The following SCRN3 variants were observed in gnomAD, a reference collection of about 807,000 sequenced individuals.
The protein encoded by SCRN3 is secernin-3.
Under a neutral mutation model 43.1 loss-of-function variants are expected in SCRN3, and 39 were observed. That is an observed-to-expected ratio of 0.91 (90% CI 0.70 to 1.18). The LOEUF is 1.18. SCRN3 is among the 50% of genes most tolerant of loss of function. The pLI is 0.00. For synonymous variants in SCRN3, 147 were observed against 163.1 expected (o/e 0.90, Z 0.75); for missense variants, 484 against 498.0 (o/e 0.97, Z 0.27).
At chr2:174,399,734 A>AT (rs569160007) in intron 2 of SCRN3, among the ~76,000 whole-genome samples, 188 bp from the exon 3 acceptor site, 30 of 152,304 alleles carry the variant, frequency 2.0e-4, no homozygotes, top group Middle Eastern at 3.4e-3. Flanking sequence ...ATGAATAAAT[A>AT]TTTTAGGGTT....
chr2:174,403,992 A>T, intron 4 of SCRN3, 111 bp from the exon 5 acceptor site: 2 of 754,368 alleles, frequency 2.7e-6, no homozygotes, highest in Non-Finnish European at 4.2e-6. Context: ...CACAAAATTT[A>T]GAAGTCTATA....
At chr2:174,395,882 G>C (rs1685286887) in intron 1 of SCRN3, 65 bp downstream of exon 1, 1 of 1,446,418 alleles carries the variant, frequency 6.9e-7, no homozygotes, top group Non-Finnish European at 9.1e-7. Flanking sequence ...ACCCAACTGT[G>C]GCGCGGCACT....
chr2:174,424,545 G>T lies in SCRN3; in HGVS notation c.988G>T (p.Glu330Ter). 1.2e-6 allele frequency: 2 copies of T among 1,613,116 alleles called. No homozygotes were observed. Among genetic ancestry groups the T allele is most frequent in the South Asian group, 2.2e-5 (2 of 90,994 alleles). The change falls in exon 7 of 8, where the codon GAA (glutamate) becomes TAA (stop). Residue 330 changes from glutamate (E) to a stop codon, truncating the protein, a stop_gained. Transcript: ENST00000272732. LOFTEE classifies it high-confidence loss of function. Reference sequence around the variant, plus strand: ...ATTGGATACCAGTTCACCAACATTTGAACTTGAAGATCTAGTTAAAAAGAA... The same window carrying T: ...ATTGGATACCAGTTCACCAACATTTTAACTTGAAGATCTAGTTAAAAAGAA... ...QLLDTSSPTF[E>*]LEDLVKKKSH...
chr2:174,421,782 T>A (rs1686301929), intron 5 of SCRN3, among the ~76,000 whole-genome samples: 1 of 152,208 alleles, frequency 6.6e-6, no homozygotes. Flanking sequence ...CATCTGCTTC[T>A]CAGAAGACCC....
chr2:174,398,203 T>C (rs1685387381), intron 1 of SCRN3, 72 bp from the exon 2 acceptor site: 18 of 885,176 alleles, frequency 2.0e-5, no homozygotes, highest in African/African-American at 5.3e-5. Context: ...CCTTTGGTCA[T>C]TGAGTAAAAC....
At chr2:174,411,608 A>T (rs1028782652) in intron 5 of SCRN3, among the ~76,000 whole-genome samples, 1 of 152,130 alleles carries the variant, frequency 6.6e-6, no homozygotes, top group Non-Finnish European at 1.5e-5. Flanking sequence ...ATCGTTAAGC[A>T]CGTTTAGCAT....
At chr2:174,414,713 A>G (rs941012996) in intron 5 of SCRN3, among the ~76,000 whole-genome samples, 1 of 151,208 alleles carries the variant, frequency 6.6e-6, no homozygotes, top group Admixed American at 6.6e-5. Flanking sequence ...ATTATATAAC[A>G]TGCTTATAGC....
chr2:174,404,608 C>G (rs113590569), intron 5 of SCRN3, among the ~76,000 whole-genome samples: 24 of 101,672 alleles, frequency 2.4e-4, no homozygotes, highest in Admixed American at 2.3e-3. Context: ...CCTCCCCCCT[C>G]CCCCCACCCC....
chr2:174,419,659 G>A (rs1686229830), intron 5 of SCRN3, among the ~76,000 whole-genome samples: 1 of 152,104 alleles, frequency 6.6e-6, no homozygotes, highest in African/African-American at 2.4e-5. Flanking sequence ...AAACTGGTGG[G>A]ATTACAGGCA....
intron 5 of SCRN3, among the ~76,000 whole-genome samples, chr2:174,414,077 G>C (rs1410991664): frequency 3.3e-5 from 5 of 152,134 alleles, no homozygotes; most frequent in Non-Finnish European, 7.3e-5. Context: ...CTTTCCTCCA[G>C]AATGTTACTT....
rs1025555873 is a variant in SCRN3 at position 174,429,510 on chromosome 2, A to C, written c.*1615A>C. On this transcript the variant is annotated 3_prime_UTR_variant, in exon 8 of 8. Transcript: ENST00000272732. ...TTAGGTTCACAGCAAAATTGAACAG[A>C]AAGTACAGAGTTCCAATACAGCCCC... 6.6e-6 allele frequency: 1 copy of C among 152,180 alleles called. No homozygotes were observed. Among genetic ancestry groups the C allele is most frequent in the Non-Finnish European group, 1.5e-5 (1 of 68,040 alleles). The allele number at this position is 152,180 out of a possible 1,614,324, so 9.4% of individuals were successfully genotyped here.
chr2:174,424,909 C>G (rs1686430638), intron 7 of SCRN3, among the ~76,000 whole-genome samples: 1 of 152,174 alleles, frequency 6.6e-6, no homozygotes, highest in African/African-American at 2.4e-5. Context: ...AGCACTTTTA[C>G]ATGAATTATT....
chr2:174,395,927 G>A, intron 1 of SCRN3, 110 bp downstream of exon 1: 2 of 1,411,128 alleles, frequency 1.4e-6, no homozygotes, highest in Non-Finnish European at 9.2e-7. Flanking sequence ...CAGCTGCACC[G>A]GCTGCGGTTT....
At chr2:174,419,418 C>T (rs779160803) in intron 5 of SCRN3, among the ~76,000 whole-genome samples, 57 of 152,192 alleles carry the variant, frequency 3.7e-4, no homozygotes, top group Admixed American at 7.2e-4. Flanking sequence ...CTTGCACTGT[C>T]GCCCAGGCTG....
chr2:174,397,976 T>C (rs1190745278), intron 1 of SCRN3, among the ~76,000 whole-genome samples: 1 of 152,130 alleles, frequency 6.6e-6, no homozygotes, highest in Admixed American at 6.5e-5. Context: ...AAAACTTTAA[T>C]GAACAGCCAA....
intron 1 of SCRN3, chr2:174,396,090 C>G: frequency 1.8e-6 from 2 of 1,115,400 alleles, no homozygotes; most frequent in East Asian, 6.6e-5. Context: ...GATAATAATT[C>G]CGGCCCTAAC....
rs571970858 is a variant in SCRN3, at chr2:174,398,122, T to A, written c.-9-153T>A. 3.0e-5 allele frequency: 14 copies of A among 465,636 alleles called. No individual in the cohort carries two copies. The South Asian group carries it at 4.1e-4, about 14-fold the overall frequency. The allele number at this position is 465,636 out of a possible 1,614,324, so 28.8% of individuals were successfully genotyped here. A position where few individuals can be genotyped will look rare whatever the true frequency, so the allele number is the denominator to read the frequency against. On this transcript the variant is annotated intron_variant, in intron 1 of 7. Transcript: ENST00000272732. ...CAGCCTGGGTGAAAGAGCTAGACCT[T>A]GTCTCCAAAAAATAAAAATAAAAAA...
chr2:174,422,824 A>G (rs1478540806), intron 5 of SCRN3, 61 bp from the exon 6 acceptor site: 1 of 1,053,536 alleles, frequency 9.5e-7, no homozygotes, highest in Non-Finnish European at 1.4e-6. Flanking sequence ...AAAGCAGTTC[A>G]TATTTGCAAG....
chr2:174,404,093 T>C lies in SCRN3; in HGVS notation c.542-10T>C, dbSNP rs1462987998. ...TTCTTCTCCTTTCTCCTCTTCTTCT[T>C]TGAAAATAGAGGGAGTTCGTAATAT... On this transcript the variant is annotated splice_polypyrimidine_tract_variant and intron_variant, in intron 4 of 7. Coordinates refer to ENST00000272732, the MANE Select transcript of SCRN3 (RefSeq NM_024583.5). 1 of 1,604,854 alleles carries C rather than the reference T, an allele frequency of 6.2e-7. No homozygotes were observed. Among genetic ancestry groups the C allele is most frequent in the Non-Finnish European group, 8.5e-7 (1 of 1,171,902 alleles).
Sources: gnomAD v4.1 joint callset for allele counts (sites outside exome capture counted in the v4.1 genomes callset) on GRCh38, gnomAD v4.1.1 for gene constraint, MANE v1.5 for transcripts, NCBI Gene and HGNC (gene_info 2026-07-23, HGNC 2026-07-21) for gene names.